SLC25A21: variants seen among roughly 807,000 people sequenced by gnomAD.
SLC25A21 encodes the protein mitochondrial 2-oxodicarboxylate carrier.
In SLC25A21, 47 loss-of-function variants were observed where a neutral mutation model predicts 43.8. The ratio of observed to expected loss-of-function variants is 1.07; its 90% CI spans 0.85 to 1.37. The LOEUF is 1.37. SLC25A21 is among the 40% of genes most tolerant of loss of function. The pLI is 0.00. For missense variants in SLC25A21, 352 were observed against 350.2 expected (o/e 1.00, Z -0.04); for synonymous variants, 131 against 121.3 (o/e 1.08, Z -0.52).
intron 1 of SLC25A21, among the ~76,000 whole-genome samples, chr14:37,150,178 T>C (rs752196438): frequency 2.6e-5 from 4 of 152,164 alleles, no homozygotes; most frequent in Non-Finnish European, 4.4e-5. Context: ...AGCTCCTGTT[T>C]AGAGATGTTT....
At chr14:36,796,395 CTCTTTCTT>C (rs1377152474) in intron 3 of SLC25A21, among the ~76,000 whole-genome samples, 1 of 150,396 alleles carries the variant, frequency 6.6e-6, no homozygotes, top group African/African-American at 2.5e-5. Context: ...CTCTTTCTTT[CTCTTTCTT>C]TCTTTCTCTC....
chr14:36,739,442 C>T (rs1594540234), intron 3 of SLC25A21, among the ~76,000 whole-genome samples: 1 of 152,236 alleles, frequency 6.6e-6, no homozygotes. Context: ...CTTCGGGAAG[C>T]CGAGGTGGGT....
At chr14:37,124,415 G>C (rs1963262422) in intron 1 of SLC25A21, among the ~76,000 whole-genome samples, 1 of 151,962 alleles carries the variant, frequency 6.6e-6, no homozygotes, top group Non-Finnish European at 1.5e-5. Context: ...AGAAGATCTA[G>C]TTTAAACACT....
chr14:37,112,776 T>C (rs1200110818), intron 1 of SLC25A21, among the ~76,000 whole-genome samples: 4 of 152,154 alleles, frequency 2.6e-5, no homozygotes, highest in African/African-American at 9.7e-5. Flanking sequence ...ATGGGAGTCA[T>C]ATTTTGGGGA....
chr14:36,984,588 A>G (rs1462595470), intron 1 of SLC25A21, among the ~76,000 whole-genome samples: 1 of 152,046 alleles, frequency 6.6e-6, no homozygotes, highest in Non-Finnish European at 1.5e-5. Flanking sequence ...TATAATTCAA[A>G]TATCTAAAAC....
chr14:36,683,959 C>A, intron 8 of SLC25A21, 79 bp from the exon 9 acceptor site: 1 of 964,258 alleles, frequency 1.0e-6, no homozygotes, highest in Non-Finnish European at 1.6e-6. Context: ...GAGATAGGGA[C>A]CCAGCATTTA....
chr14:36,798,282 TG>T (rs995275994), intron 3 of SLC25A21, among the ~76,000 whole-genome samples: 2 of 152,114 alleles, frequency 1.3e-5, no homozygotes, highest in Admixed American at 1.3e-4. Flanking sequence ...TTATTTCCTA[TG>T]GGGACAGTTT....
chr14:36,832,932 C>A lies in SLC25A21; in HGVS notation c.120-18931G>T, dbSNP rs1027765239. On this transcript the variant is annotated intron_variant, in intron 2 of 9. Coordinates refer to ENST00000331299, the MANE Select transcript of SLC25A21 (RefSeq NM_030631.4). ...TATTTGTACTTCATTAAAATAAATT[C>A]TCATTGTTTATCAGCATTTAAATAA... Among the ~76,000 whole-genome samples the A allele has an allele frequency of 7.2e-5, 11 of 152,148 alleles. No individual in the cohort carries two copies. The South Asian group carries it at 8.3e-4, about 11-fold the overall frequency.
intron 1 of SLC25A21, among the ~76,000 whole-genome samples, chr14:37,016,678 G>C (rs928782710): frequency 6.6e-6 from 1 of 152,038 alleles, no homozygotes; most frequent in African/African-American, 2.4e-5. Flanking sequence ...CTTCTCTCTA[G>C]CTATGAAAGT....
intron 9 of SLC25A21, among the ~76,000 whole-genome samples, chr14:36,681,167 G>T (rs1433489274): frequency 1.3e-5 from 2 of 152,200 alleles, no homozygotes; most frequent in Admixed American, 1.3e-4. Context: ...CTTGATGGAT[G>T]AGTCTAGTTT....
intron 1 of SLC25A21, among the ~76,000 whole-genome samples, chr14:36,901,304 A>C (rs115344873): frequency 0.011 from 1,637 of 152,322 alleles, 30 homozygotes; most frequent in African/African-American, 0.037. Flanking sequence ...AATAAACAAA[A>C]AGTATGAGGT....
intron 3 of SLC25A21, among the ~76,000 whole-genome samples, chr14:36,771,516 T>C (rs1036377440): frequency 4.6e-5 from 7 of 152,224 alleles, no homozygotes; most frequent in African/African-American, 1.7e-4. Flanking sequence ...AGAGATGGGT[T>C]CATGGGTGAC....
chr14:37,062,982 G>T (rs570132239), intron 1 of SLC25A21, among the ~76,000 whole-genome samples: 1 of 152,258 alleles, frequency 6.6e-6, no homozygotes, highest in East Asian at 1.9e-4. Flanking sequence ...CATGGCTGGG[G>T]AGGCCTAAGG....
intron 1 of SLC25A21, among the ~76,000 whole-genome samples, chr14:37,080,623 A>G (rs1962368883): frequency 6.6e-6 from 1 of 152,212 alleles, no homozygotes; most frequent in Non-Finnish European, 1.5e-5. Context: ...CAAGAAAAAA[A>G]CTACTACTTA....
At chr14:36,908,759 G>C (rs1256391122) in intron 1 of SLC25A21, among the ~76,000 whole-genome samples, 1 of 152,208 alleles carries the variant, frequency 6.6e-6, no homozygotes, top group African/African-American at 2.4e-5. Context: ...TGGTTGTCAT[G>C]AGAAATACAG....
intron 1 of SLC25A21, among the ~76,000 whole-genome samples, chr14:37,063,035 AGG>A (rs970651794): frequency 7.9e-5 from 12 of 152,218 alleles, no homozygotes; most frequent in African/African-American, 2.2e-4. Context: ...ACAGGGCAGC[AGG>A]AGAGAGAATG....
intron 4 of SLC25A21, among the ~76,000 whole-genome samples, chr14:36,731,396 G>C (rs1033696888): frequency 6.6e-6 from 1 of 152,168 alleles, no homozygotes; most frequent in African/African-American, 2.4e-5. Flanking sequence ...GAAAGCACAG[G>C]AAAGCTGCTT....
chr14:36,947,032 T>C (rs1281362887), intron 1 of SLC25A21, among the ~76,000 whole-genome samples: 1 of 152,234 alleles, frequency 6.6e-6, no homozygotes, highest in Non-Finnish European at 1.5e-5. Context: ...ACCCACCTCA[T>C]GTGTTCAGCA....
chr14:36,804,261 G>C (rs1887964341), intron 3 of SLC25A21, among the ~76,000 whole-genome samples: 1 of 152,160 alleles, frequency 6.6e-6, no homozygotes, highest in Non-Finnish European at 1.5e-5. Flanking sequence ...ACTGAGATGA[G>C]ATATGTACAA....
Sources: allele counts gnomAD v4.1 joint callset (sites outside exome capture counted in the v4.1 genomes callset), GRCh38; gene constraint gnomAD v4.1.1; transcripts MANE v1.5; gene names NCBI Gene and HGNC (gene_info 2026-07-23, HGNC 2026-07-21).